Variants in PCDHGA11 observed in about 807,000 individuals in gnomAD.
PCDHGA11 encodes the protein protocadherin gamma subfamily A, 11, also known as protocadherin gamma-A11.
PCDHGA11 carries 39 observed loss-of-function variants against 60.4 expected under a neutral mutation model. The observed-to-expected ratio is 0.65, with a 90% CI of 0.50 to 0.84. PCDHGA11 has a LOEUF of 0.84. PCDHGA11 is among the 40% of genes least tolerant of loss of function. PCDHGA11 has a pLI of 0.00. For missense variants in PCDHGA11, 1,165 were observed against 1,197.7 expected (o/e 0.97, Z 0.40); for synonymous variants, 533 against 510.3 (o/e 1.04, Z -0.60).
chr5:141,479,636 CA>C (rs1397283180), intron 1 of PCDHGA11: 1 of 152,080 alleles, frequency 6.6e-6, no homozygotes, highest in African/African-American at 2.4e-5. Flanking sequence ...TTAACAATAA[CA>C]ACAACAACAA....
chr5:141,444,710 T>A (rs2098445001), intron 1 of PCDHGA11, among the ~76,000 whole-genome samples: 1 of 152,236 alleles, frequency 6.6e-6, no homozygotes, highest in Admixed American at 6.5e-5. Flanking sequence ...TTCTGTTGAA[T>A]TTGCTTGGTG....
At chr5:141,465,467 C>T (rs2099103834) in intron 1 of PCDHGA11, among the ~76,000 whole-genome samples, 1 of 152,178 alleles carries the variant, frequency 6.6e-6, no homozygotes, top group Non-Finnish European at 1.5e-5. Flanking sequence ...CCAAATTGCC[C>T]TTGCTTCATG....
chr5:141,432,934 G>GC lies in PCDHGA11; in HGVS notation c.2433+9275dup. On this transcript the variant is annotated intron_variant, in intron 1 of 3. Transcript: ENST00000398587. The surrounding 1 kb of genome is among the most constrained non-coding windows in gnomAD (Gnocchi z 6.0). ...GGCGCTGGCACAAGTCACGCCTGCT[G>GC]CAGGCTTCAGGAGGCGGCTTGACAG... The GC allele has an allele frequency of 6.2e-7, 1 of 1,614,196 alleles. No individual in the cohort carries two copies. Among genetic ancestry groups the GC allele is most frequent in the Non-Finnish European group, 8.5e-7 (1 of 1,180,040 alleles).
At chr5:141,494,890 C>A (rs1483157263) in intron 2 of PCDHGA11, 25 bp downstream of exon 2, 1 of 1,614,120 alleles carries the variant, frequency 6.2e-7, no homozygotes. Context: ...CTCCAGCCCA[C>A]CCTCTTCTCT....
chr5:141,474,056 C>T (rs576482294), intron 1 of PCDHGA11, among the ~76,000 whole-genome samples: 37 of 152,136 alleles, frequency 2.4e-4, no homozygotes, highest in Non-Finnish European at 4.9e-4. Flanking sequence ...GATGACAGAG[C>T]GAGATCCTGC....
At chr5:141,443,131 A>C (rs1042010214) in intron 1 of PCDHGA11, among the ~76,000 whole-genome samples, 2 of 152,144 alleles carry the variant, frequency 1.3e-5, no homozygotes, top group African/African-American at 4.8e-5. Flanking sequence ...GATTAAGAAC[A>C]CTATCATAAG....
Position 141,477,568 on chromosome 5 carries a change from C to T in PCDHGA11, c.2434-17239C>T, listed in dbSNP as rs2099413139. The T allele has an allele frequency of 6.2e-7, 1 of 1,614,172 alleles. No individual in the cohort carries two copies. The highest frequency in any genetic ancestry group is 1.7e-4 in the Middle Eastern group (1 of 6,060). On this transcript the variant is annotated intron_variant, in intron 1 of 3. Transcript: ENST00000398587. This position sits in a 1 kb window ranked among gnomAD's most constrained non-coding sequence, Gnocchi z 4.9. ...TACTAAACCTAAGTGTCTGGGACCC[C>T]GACGCCCCGCAGAATGCTCGGCTTT...
chr5:141,494,400 C>A (rs2099754045), intron 1 of PCDHGA11, among the ~76,000 whole-genome samples: 1 of 152,158 alleles, frequency 6.6e-6, no homozygotes, highest in African/African-American at 2.4e-5. Flanking sequence ...TAAATTCATT[C>A]TAGGGCTGGT....
Position 141,510,999 on chromosome 5 carries a change from G to C in PCDHGA11, c.2634G>C (p.Leu878Phe). Residue 878 changes from leucine (L) to phenylalanine (F), a missense_variant, in exon 4 of 4, where the codon TTG (leucine) becomes TTC (phenylalanine). Coordinates refer to ENST00000398587, the MANE Select transcript of PCDHGA11 (RefSeq NM_018914.3). ...GAGGGGGTGCCGGCACCATGGGATT[G>C]AGCGCCCGCTACGGACCCCAGTTCA... ...TLGGGAGTMG[L>F]SARYGPQFTL... 6.2e-7 allele frequency: 1 copy of C among 1,614,144 alleles called. No homozygotes were observed. Among genetic ancestry groups the C allele is most frequent in the Non-Finnish European group, 8.5e-7 (1 of 1,180,008 alleles).
At chr5:141,482,239 A>G (rs529504334) in intron 1 of PCDHGA11, among the ~76,000 whole-genome samples, 31 of 152,332 alleles carry the variant, frequency 2.0e-4, no homozygotes, top group Middle Eastern at 3.4e-3. Context: ...TGCCAATATA[A>G]GTATAGTACT....
Position 141,422,936 on chromosome 5 carries a change from C to A in PCDHGA11, c.1709C>A (p.Thr570Lys), listed in dbSNP as rs1428873210. 2 of 1,614,260 alleles carry A rather than the reference C, an allele frequency of 1.2e-6. No homozygotes were observed. Among genetic ancestry groups the A allele is most frequent in the East Asian group, 4.5e-5 (2 of 44,876 alleles). Residue 570 changes from threonine (T) to lysine (K), a missense_variant, in exon 1 of 4, where the codon ACA becomes AAA. By Grantham distance (78) the Thr-to-Lys change is moderately conservative. Transcript: ENST00000398587. ...APEILYPALP[T>K]DGSTGVELAP... ...GAGATCCTGTACCCTGCCCTCCCCA[C>A]AGACGGCTCCACTGGCGTGGAGCTG...
Position 141,421,219 on chromosome 5 carries a change from G to C in PCDHGA11, c.-9G>C, listed in dbSNP as rs894586889. The C allele has an allele frequency of 6.4e-7, 1 of 1,573,208 alleles. No homozygotes were observed. On this transcript the variant is annotated 5_prime_UTR_variant, in exon 1 of 4. Transcript: ENST00000398587. ...CGAGAAACCGCGGAATATCGGCTTA[G>C]AGCCTGCCATGGCGAATCGGCTACA...
chr5:141,438,754 T>C (rs1213047429), intron 1 of PCDHGA11, among the ~76,000 whole-genome samples: 3 of 148,368 alleles, frequency 2.0e-5, no homozygotes, highest in African/African-American at 5.0e-5. Context: ...CTCTGCCTCC[T>C]GGGTTCAAGC....
intron 1 of PCDHGA11, chr5:141,478,790 C>T: frequency 6.8e-7 from 1 of 1,472,906 alleles, no homozygotes. Flanking sequence ...AATTCACATC[C>T]TCAGCACTCT....
chr5:141,483,442 AATCATCAGGACTTGTTG>A (rs2099581330), intron 1 of PCDHGA11, among the ~76,000 whole-genome samples: 1 of 152,196 alleles, frequency 6.6e-6, no homozygotes, highest in Non-Finnish European at 1.5e-5. Context: ...ACTACAATAA[AATCATCAGGACTTGTTG>A]ATTGACATGA....
At position 141,490,409 on chromosome 5, in the gene PCDHGA11, C is replaced by G; in HGVS notation, c.2434-4398C>G. On this transcript the variant is annotated intron_variant, in intron 1 of 3. Transcript: ENST00000398587. The surrounding 1 kb of genome is among the most constrained non-coding windows in gnomAD (Gnocchi z 5.4). ...AATGGTGAAGTGAGCCTTGATATCT[C>G]TCCGGACCTGCCATTTCAGATTAAG... 1 of 1,614,202 alleles carries G rather than the reference C, an allele frequency of 6.2e-7. No homozygotes were observed. Among genetic ancestry groups the G allele is most frequent in the Non-Finnish European group, 8.5e-7 (1 of 1,180,038 alleles).
intron 1 of PCDHGA11, among the ~76,000 whole-genome samples, chr5:141,444,175 TTTTTTTTTTTTTTG>T (rs2098423325): frequency 7.6e-6 from 1 of 131,192 alleles, no homozygotes; most frequent in African/African-American, 3.0e-5. Flanking sequence ...TTTTTTTTTT[TTTTTTTTTTTTTTG>T]AGATGGAGTT....
At chr5:141,478,586 T>C (rs754157570) in intron 1 of PCDHGA11, 6 of 1,576,788 alleles carry the variant, frequency 3.8e-6, no homozygotes, top group Non-Finnish European at 3.4e-6. Context: ...GTTAGTGCTT[T>C]TTTATTCCTA....
At chr5:141,428,066 A>T in intron 1 of PCDHGA11, 2 of 1,609,118 alleles carry the variant, frequency 1.2e-6, no homozygotes, top group Non-Finnish European at 1.7e-6. Context: ...CGGTGGACGC[A>T]GATTCGGGAC....
Sources: allele counts gnomAD v4.1 joint callset (sites outside exome capture counted in the v4.1 genomes callset), GRCh38; gene constraint gnomAD v4.1.1; non-coding constraint Gnocchi (gnomAD v3.1); transcripts MANE v1.5; gene names NCBI Gene and HGNC (gene_info 2026-07-23, HGNC 2026-07-21).